Variants in OCA2 observed in about 807,000 individuals in gnomAD.
The protein encoded by OCA2 is P protein.
In OCA2, 77 loss-of-function variants were observed where a neutral mutation model predicts 100.2. That is an observed-to-expected ratio of 0.77 (90% CI 0.64 to 0.93). The LOEUF is 0.93. Among genes scored for constraint, OCA2 ranks in the 40% least tolerant of loss-of-function variants. OCA2 has a pLI of 0.00. For missense variants in OCA2, 1,062 were observed against 1,089.1 expected (o/e 0.98, Z 0.35); for synonymous variants, 432 against 439.2 (o/e 0.98, Z 0.21).
chr15:27,905,041 G>A (rs151310027), intron 19 of OCA2, among the ~76,000 whole-genome samples: 432 of 151,952 alleles, frequency 2.8e-3, no homozygotes, highest in Non-Finnish European at 4.9e-3. Context: ...GTGGGTGCCT[G>A]TAATCCCAAC....
the OCA2 span, among the ~76,000 whole-genome samples, chr15:27,722,755 T>C: frequency 2.0e-5 from 3 of 149,342 alleles, no homozygotes; most frequent in Non-Finnish European, 3.0e-5. Context: ...TCTTCTTCTT[T>C]CCTTCCTTTC....
chr15:28,072,154 T>A (rs1383277039), intron 2 of OCA2, among the ~76,000 whole-genome samples: 1 of 151,868 alleles, frequency 6.6e-6, no homozygotes, highest in Middle Eastern at 3.2e-3. Flanking sequence ...GATCACCAGG[T>A]CAGGAGGTGG....
rs57851386 is a variant in OCA2, at chr15:27,760,256, A to G, written c.2433-4784T>C. 7.0e-3 allele frequency among the ~76,000 whole-genome samples: 1,059 copies of G among 152,130 alleles called. 14 individuals carry two copies. The highest frequency in any genetic ancestry group is 0.024 in the African/African-American group (1,012 of 41,542). On this transcript the variant is annotated intron_variant, in intron 23 of 23. Transcript: ENST00000354638. ...ATGATCTCTGTGTTACCTCAACCCT[A>G]TAAAGAAAATCATCTAGGAAAAGAA... is the stretch of plus-strand genomic sequence containing the variant.
chr15:27,762,456 C>G (rs1222742293), intron 23 of OCA2, among the ~76,000 whole-genome samples: 3 of 152,154 alleles, frequency 2.0e-5, no homozygotes, highest in African/African-American at 4.8e-5. Flanking sequence ...AAAAGTTAAC[C>G]CCATCACCAG....
intron 4 of OCA2, 79 bp from the exon 5 acceptor site, chr15:28,024,981 G>A (rs1433497125): frequency 8.5e-6 from 11 of 1,299,944 alleles, no homozygotes; most frequent in Non-Finnish European, 1.2e-5. Context: ...CTGCAGCCTT[G>A]AGTAACTTCC....
chr15:27,729,589 G>A, the OCA2 span, among the ~76,000 whole-genome samples: 1 of 152,076 alleles, frequency 6.6e-6, no homozygotes, highest in Non-Finnish European at 1.5e-5. Context: ...TGAATTGCTG[G>A]CAGAACTCAA....
At chr15:27,863,040 G>A (rs2036194258) in intron 21 of OCA2, among the ~76,000 whole-genome samples, 1 of 152,208 alleles carries the variant, frequency 6.6e-6, no homozygotes, top group African/African-American at 2.4e-5. Context: ...GGCCTGGGAA[G>A]CTGGCCGAGA....
At chr15:27,891,621 A>G (rs1032812542) in intron 19 of OCA2, among the ~76,000 whole-genome samples, 1 of 152,234 alleles carries the variant, frequency 6.6e-6, no homozygotes, top group Non-Finnish European at 1.5e-5. Flanking sequence ...CATCACTTGC[A>G]TGGATTCAAC....
intron 23 of OCA2, among the ~76,000 whole-genome samples, chr15:27,773,488 C>A (rs1348971361): frequency 6.6e-6 from 1 of 152,090 alleles, no homozygotes; most frequent in Non-Finnish European, 1.5e-5. Flanking sequence ...GTCATTTGTT[C>A]AGATATGTTT....
rs1286769338 is a variant in OCA2, at chr15:28,070,021, C to T, written c.227+11627G>A. 1.8e-5 allele frequency among the ~76,000 whole-genome samples: 2 copies of T among 111,392 alleles called. 1 individual carries two copies. Among genetic ancestry groups the T allele is most frequent in the African/African-American group, 1.4e-4 (2 of 14,562 alleles). 73.1% of individuals were successfully genotyped at this position (111,392 alleles called of 152,430 possible). Reference sequence around the variant, plus strand: ...GGAGCGTCTCTGCCCGGCCACCCATCGTCTGAGATGTGGGGAGCGCCTCTG... The same window carrying T: ...GGAGCGTCTCTGCCCGGCCACCCATTGTCTGAGATGTGGGGAGCGCCTCTG... On this transcript the variant is annotated intron_variant, in intron 2 of 23. Transcript: ENST00000354638.
chr15:27,740,928 G>A, the OCA2 span, among the ~76,000 whole-genome samples: 11 of 152,174 alleles, frequency 7.2e-5, no homozygotes, highest in African/African-American at 1.9e-4. Context: ...CTAACTCCCC[G>A]AGGAGCAGAC....
Position 28,081,736 on chromosome 15 carries a change from G to C in OCA2, c.139C>G (p.Pro47Ala), listed in dbSNP as rs2044633191. ...GCCCCCCTGGGGCAGGAGTGCGAGG[G>C]GTCAGCTCCACCGGCTCCCCGAGGA... ...RLPRGAGGAD[P>A]SHSCPRGAAG... Residue 47 changes from proline (P) to alanine (A), a missense_variant, in exon 2 of 24, where the codon CCC (proline) becomes GCC (alanine). Pro to Ala is a conservative substitution (Grantham distance 27). Transcript: ENST00000354638. The C allele has an allele frequency of 1.2e-6, 2 of 1,613,560 alleles. No individual in the cohort carries two copies. The highest frequency in any genetic ancestry group is 1.1e-5 in the South Asian group (1 of 91,070).
At chr15:27,999,777 T>C (rs1220150734) in intron 9 of OCA2, among the ~76,000 whole-genome samples, 2 of 152,174 alleles carry the variant, frequency 1.3e-5, no homozygotes, top group East Asian at 1.9e-4. Flanking sequence ...ATTCGTAGGA[T>C]ACAAAATCAG....
At chr15:27,888,601 T>C (rs1448483) in intron 19 of OCA2, among the ~76,000 whole-genome samples, 13,999 of 151,872 alleles carry the variant, frequency 0.092, 1,443 homozygotes, top group African/African-American at 0.24. Context: ...ACAAAAGATA[T>C]AGAAAAAAGA....
At chr15:27,770,931 CT>C in intron 23 of OCA2, among the ~76,000 whole-genome samples, 7 of 28,784 alleles carry the variant, frequency 2.4e-4, no homozygotes, top group Non-Finnish European at 4.7e-4. Context: ...CCCTCTTTTC[CT>C]TTCTTCCTTC....
the OCA2 span, among the ~76,000 whole-genome samples, chr15:27,742,987 G>A: frequency 6.6e-6 from 1 of 152,210 alleles, no homozygotes; most frequent in African/African-American, 2.4e-5. Flanking sequence ...ACTTAATTAG[G>A]AAGCTTGTTT....
intron 23 of OCA2, among the ~76,000 whole-genome samples, chr15:27,808,305 G>C (rs1290681707): frequency 6.6e-6 from 1 of 152,248 alleles, no homozygotes; most frequent in Admixed American, 6.5e-5. Flanking sequence ...GGGAAGTGAT[G>C]CTCGGGGAGC....
At position 27,820,625 on chromosome 15, in the gene OCA2, G is replaced by A. The variant is rs149607060; in HGVS notation, c.2432+24334C>T. On this transcript the variant is annotated intron_variant, in intron 23 of 23. Coordinates refer to ENST00000354638, the MANE Select transcript of OCA2 (RefSeq NM_000275.3). ...TGACAAAATGGGAAGTGGGGTCCCC[G>A]ATGGGGTCCTGGAACAGAAAAGGAT... is the stretch of plus-strand genomic sequence containing the variant. Among the ~76,000 whole-genome samples the A allele has an allele frequency of 6.5e-3, 993 of 152,322 alleles. 22 individuals carry two copies. Among genetic ancestry groups the A allele is most frequent in the African/African-American group, 0.022 (931 of 41,568 alleles).
chr15:27,730,735 A>ATATTTT, the OCA2 span, among the ~76,000 whole-genome samples: 1 of 940 alleles, frequency 1.1e-3, no homozygotes, highest in African/African-American at 3.8e-3. Flanking sequence ...AAGACCAAAT[A>ATATTTT]TATATATATA....
Sources: allele counts gnomAD v4.1 joint callset (sites outside exome capture counted in the v4.1 genomes callset), GRCh38; gene constraint gnomAD v4.1.1; transcripts MANE v1.5; gene names NCBI Gene and HGNC (gene_info 2026-07-23, HGNC 2026-07-21).